The following XNDC1N variants were observed in gnomAD, a reference collection of about 807,000 sequenced individuals.
The protein encoded by XNDC1N is XRCC1 N-terminal domain containing 1, N-terminal like, also known as protein XNDC1N.
the XNDC1N span, among the ~76,000 whole-genome samples, chr11:71,898,601 T>C: frequency 6.6e-6 from 1 of 152,162 alleles, no homozygotes; most frequent in South Asian, 2.1e-4. Flanking sequence ...AGAAAGACTC[T>C]GTTTCCAAAA....
chr11:71,871,734 G>A, the XNDC1N span, among the ~76,000 whole-genome samples: 1 of 152,172 alleles, frequency 6.6e-6, no homozygotes. Context: ...AAGAAAATAT[G>A]TGAATGGGCA....
the XNDC1N span, among the ~76,000 whole-genome samples, chr11:71,899,956 C>T: frequency 5.3e-5 from 8 of 152,218 alleles, no homozygotes; most frequent in Non-Finnish European, 8.8e-5. Context: ...GGGGAAAAAC[C>T]GCCCTATGGT....
chr11:71,909,431 G>C, the XNDC1N span, among the ~76,000 whole-genome samples: 1 of 152,208 alleles, frequency 6.6e-6, no homozygotes, highest in East Asian at 1.9e-4. Context: ...ATAGGACAGT[G>C]GAAGAACAAA....
At chr11:71,870,554 A>G in the XNDC1N span, among the ~76,000 whole-genome samples, 1 of 152,240 alleles carries the variant, frequency 6.6e-6, no homozygotes. Context: ...TATAATCAAA[A>G]TAAAAAGCTT....
chr11:71,892,964 G>A, the XNDC1N span, among the ~76,000 whole-genome samples: 6 of 140,294 alleles, frequency 4.3e-5, no homozygotes, highest in African/African-American at 1.9e-4. Context: ...TTCCGATTGA[G>A]AATTATATTT....
the XNDC1N span, among the ~76,000 whole-genome samples, chr11:71,902,037 A>G: frequency 6.6e-6 from 1 of 152,068 alleles, no homozygotes; most frequent in Non-Finnish European, 1.5e-5. Flanking sequence ...AAGAGGAACA[A>G]GTGAGTCTCT....
chr11:71,905,839 A>G, the XNDC1N span, among the ~76,000 whole-genome samples: 1 of 152,086 alleles, frequency 6.6e-6, no homozygotes, highest in East Asian at 1.9e-4. Context: ...AAGATATTAC[A>G]AATATTATCC....
the XNDC1N span, among the ~76,000 whole-genome samples, chr11:71,874,491 C>T: frequency 6.6e-6 from 1 of 152,166 alleles, no homozygotes; most frequent in African/African-American, 2.4e-5. Context: ...GAGAGCAAGA[C>T]TAAGGGGAGT....
chr11:71,915,032 A>T, the XNDC1N span, among the ~76,000 whole-genome samples: 1 of 152,238 alleles, frequency 6.6e-6, no homozygotes, highest in Non-Finnish European at 1.5e-5. Flanking sequence ...GAGTAGATTG[A>T]TGTGGCAAAT....
chr11:71,882,211 GT>G, the XNDC1N span, among the ~76,000 whole-genome samples: 1 of 142,228 alleles, frequency 7.0e-6, no homozygotes, highest in East Asian at 2.0e-4. Flanking sequence ...TATTTAAAAT[GT>G]TAAAAAAAAA....
chr11:71,900,183 A>G, the XNDC1N span, among the ~76,000 whole-genome samples: 2 of 152,248 alleles, frequency 1.3e-5, no homozygotes, highest in African/African-American at 4.8e-5. Context: ...TTTTGCTAAA[A>G]TAATAAAAAT....
the XNDC1N span, chr11:71,917,483 C>T: frequency 5.9e-6 from 4 of 673,326 alleles, no homozygotes; most frequent in Non-Finnish European, 1.1e-5. Flanking sequence ...CACCCTTTGC[C>T]CCCAACAGAT....
At chr11:71,900,808 T>C in the XNDC1N span, among the ~76,000 whole-genome samples, 2 of 152,004 alleles carry the variant, frequency 1.3e-5, no homozygotes, top group East Asian at 1.9e-4. Flanking sequence ...TTAGTGCACA[T>C]TTCAGGATGA....
At chr11:71,866,057 G>A in the XNDC1N span, among the ~76,000 whole-genome samples, 3 of 152,066 alleles carry the variant, frequency 2.0e-5, no homozygotes, top group African/African-American at 7.2e-5. Context: ...ACAGCTTCAC[G>A]TATAAAATAA....
At chr11:71,896,026 C>A in the XNDC1N span, among the ~76,000 whole-genome samples, 1 of 152,136 alleles carries the variant, frequency 6.6e-6, no homozygotes, top group Non-Finnish European at 1.5e-5. Flanking sequence ...GCCTGTAATC[C>A]CAGCACTCTA....
At chr11:71,913,975 CAGAA>C in the XNDC1N span, among the ~76,000 whole-genome samples, 2 of 152,202 alleles carry the variant, frequency 1.3e-5, no homozygotes, top group Admixed American at 1.3e-4. Context: ...ACCTAATACT[CAGAA>C]AGAAAGATTC....
At chr11:71,901,389 T>G in the XNDC1N span, among the ~76,000 whole-genome samples, 4,920 of 152,088 alleles carry the variant, frequency 0.032, 321 homozygotes, top group African/African-American at 0.11. Context: ...ACAAGGTCAG[T>G]AATTCGAGAC....
chr11:71,897,734 C>T, the XNDC1N span, among the ~76,000 whole-genome samples: 1 of 152,156 alleles, frequency 6.6e-6, no homozygotes, highest in African/African-American at 2.4e-5. Context: ...GAATTAGAAG[C>T]CAGGAGTGGA....
chr11:71,917,760 C>A, the XNDC1N span: 2 of 703,118 alleles, frequency 2.8e-6, no homozygotes, highest in South Asian at 1.5e-5. Flanking sequence ...TTTGCAGGAA[C>A]GCACAGCCAC....
Sources: allele counts gnomAD v4.1 joint callset (sites outside exome capture counted in the v4.1 genomes callset), GRCh38; gene constraint gnomAD v4.1.1; transcripts MANE v1.5; gene names NCBI Gene and HGNC (gene_info 2026-07-23, HGNC 2026-07-21).